Variants in DACH2 observed in about 807,000 individuals in gnomAD.
DACH2 encodes dachshund homolog 2.
In DACH2, 17 loss-of-function variants were observed where a neutral mutation model predicts 35.8. The ratio of observed to expected loss-of-function variants is 0.48; its 90% CI spans 0.33 to 0.71. The LOEUF (loss-of-function observed/expected upper bound fraction) is 0.71. Among genes scored for constraint, DACH2 ranks in the 30% least tolerant of loss-of-function variants. The pLI is 0.02. For synonymous variants in DACH2, 195 were observed against 177.3 expected (o/e 1.10, Z -0.79); for missense variants, 469 against 472.7 (o/e 0.99, Z 0.07).
chrX:86,324,571 C>CTT (rs56918891), intron 1 of DACH2, among the ~76,000 whole-genome samples: 169 of 40,626 alleles, frequency 4.2e-3, no homozygotes, highest in South Asian at 6.5e-3. Context: ...TCACTGTTGT[C>CTT]TTTTTTTTTT....
At chrX:86,700,848 G>A (rs1241798617) in intron 5 of DACH2, among the ~76,000 whole-genome samples, 2 of 111,536 alleles carry the variant, frequency 1.8e-5, no homozygotes, top group Non-Finnish European at 3.8e-5. Flanking sequence ...CAAAATTGAA[G>A]CAGTAATAAA....
intron 1 of DACH2, among the ~76,000 whole-genome samples, chrX:86,337,754 AG>A (rs1181284984): frequency 8.9e-6 from 1 of 112,142 alleles, no homozygotes; most frequent in African/African-American, 3.2e-5. Context: ...CCTAATTAAA[AG>A]TCATAGACTG....
intron 3 of DACH2, among the ~76,000 whole-genome samples, chrX:86,553,076 C>T (rs751482616): frequency 1.8e-5 from 2 of 110,811 alleles, no homozygotes; most frequent in African/African-American, 3.3e-5. Flanking sequence ...CACACAATCA[C>T]GAGGTGAAGT....
chrX:86,687,711 C>T (rs939077121), intron 4 of DACH2, among the ~76,000 whole-genome samples: 7 of 111,456 alleles, frequency 6.3e-5, no homozygotes, highest in African/African-American at 2.3e-4. Flanking sequence ...ACTATGCAGC[C>T]ATAAAAAGGG....
At chrX:86,401,452 A>G (rs1429789489) in intron 2 of DACH2, among the ~76,000 whole-genome samples, 1 of 111,434 alleles carries the variant, frequency 9.0e-6, no homozygotes, top group Admixed American at 9.5e-5. Context: ...TGCAGAAATC[A>G]CCCGTCTTCT....
intron 11 of DACH2, among the ~76,000 whole-genome samples, chrX:86,819,629 A>T (rs941462018): frequency 1.8e-5 from 2 of 111,854 alleles, no homozygotes; most frequent in Non-Finnish European, 3.8e-5. Flanking sequence ...TGGAAATCTA[A>T]TTATAATCCT....
intron 2 of DACH2, among the ~76,000 whole-genome samples, chrX:86,469,312 T>C (rs763260146): frequency 9.0e-6 from 1 of 111,109 alleles, no homozygotes; most frequent in Non-Finnish European, 1.9e-5. Context: ...ATCAACAATA[T>C]ATTGTAGATA....
intron 2 of DACH2, among the ~76,000 whole-genome samples, chrX:86,424,155 C>T (rs2036853270): frequency 9.1e-6 from 1 of 109,688 alleles, no homozygotes; most frequent in African/African-American, 3.3e-5. Flanking sequence ...CTTAGGAAAA[C>T]TTTGGCTATT....
chrX:86,313,901 A>T (rs1157223151), intron 1 of DACH2, among the ~76,000 whole-genome samples: 1 of 111,691 alleles, frequency 9.0e-6, no homozygotes, highest in Non-Finnish European at 1.9e-5. Flanking sequence ...CCTCTGTGTC[A>T]CATTTTGGTA....
chrX:86,703,307 G>T (rs991823607), intron 5 of DACH2, among the ~76,000 whole-genome samples: 1 of 111,077 alleles, frequency 9.0e-6, no homozygotes, highest in Non-Finnish European at 1.9e-5. Context: ...CCAACAGCCA[G>T]CATCATACTG....
At chrX:86,745,459 C>T (rs111668091) in intron 7 of DACH2, among the ~76,000 whole-genome samples, 1 of 110,903 alleles carries the variant, frequency 9.0e-6, no homozygotes, top group Non-Finnish European at 1.9e-5. Context: ...TGGTTCTTTT[C>T]TTTGTTTCTA....
chrX:86,349,692 AC>A (rs2035560540), intron 1 of DACH2, among the ~76,000 whole-genome samples: 1 of 111,854 alleles, frequency 8.9e-6, no homozygotes, highest in Non-Finnish European at 1.9e-5. Flanking sequence ...CTGGTTAAAT[AC>A]TCTTATACAT....
chrX:86,562,409 A>G (rs1291613830), intron 3 of DACH2, among the ~76,000 whole-genome samples: 1 of 111,281 alleles, frequency 9.0e-6, no homozygotes, highest in African/African-American at 3.3e-5. Context: ...GTGACTTATG[A>G]ATGGTATATG....
intron 7 of DACH2, among the ~76,000 whole-genome samples, chrX:86,748,601 C>A (rs773730512): frequency 8.1e-5 from 9 of 111,687 alleles, no homozygotes; most frequent in African/African-American, 2.9e-4. Flanking sequence ...ATAGATGTGC[C>A]ATTATCCAGG....
intron 7 of DACH2, among the ~76,000 whole-genome samples, chrX:86,801,684 G>A (rs932277452): frequency 2.7e-5 from 3 of 111,980 alleles, no homozygotes; most frequent in Non-Finnish European, 5.6e-5. Flanking sequence ...TGTGAATTCT[G>A]TGTTATACAG....
At chrX:86,313,488 A>C (rs2034839191) in intron 1 of DACH2, among the ~76,000 whole-genome samples, 1 of 111,893 alleles carries the variant, frequency 8.9e-6, no homozygotes, top group African/African-American at 3.2e-5. Flanking sequence ...CATAGGTAAG[A>C]GCTCTGAAGA....
At position 86,365,519 on chromosome X, in the gene DACH2, A is replaced by G. The variant is rs143364476; in HGVS notation, c.489-11305A>G. 4.1e-3 allele frequency among the ~76,000 whole-genome samples: 454 copies of G among 111,842 alleles called. 1 individual carries two copies. Among genetic ancestry groups the G allele is most frequent in the African/African-American group, 0.014 (428 of 30,934 alleles). On this transcript the variant is annotated intron_variant, in intron 1 of 11. Transcript: ENST00000373125. Reference sequence around the variant, plus strand: ...TACAATCAAAGAATATAAAAAATTCAAACTTTGTTCATGAGGATTTTAACA... The same window carrying G: ...TACAATCAAAGAATATAAAAAATTCGAACTTTGTTCATGAGGATTTTAACA...
At chrX:86,755,684 G>A (rs2041821207) in intron 7 of DACH2, among the ~76,000 whole-genome samples, 1 of 100,119 alleles carries the variant, frequency 1.0e-5, no homozygotes, top group Admixed American at 1.1e-4. Context: ...TGCAAGCTCT[G>A]CCTCCCAGGT....
Position 86,743,194 on chromosome X carries a change from C to T in DACH2, c.1240+3312C>T, listed in dbSNP as rs370416720. 1.3e-4 allele frequency among the ~76,000 whole-genome samples: 14 copies of T among 111,049 alleles called. No individual in the cohort carries two copies. The East Asian group carries it at 3.4e-3, about 27-fold the overall frequency. Reference sequence around the variant, plus strand: ...CAGATGAAAGCTTAGCAAGTTAGCCCATCAGGTATTTACCTGGAATACTGA... The same window carrying T: ...CAGATGAAAGCTTAGCAAGTTAGCCTATCAGGTATTTACCTGGAATACTGA... On this transcript the variant is annotated intron_variant, in intron 7 of 11. Transcript: ENST00000373125.
Sources: allele counts gnomAD v4.1 joint callset (sites outside exome capture counted in the v4.1 genomes callset), GRCh38; gene constraint gnomAD v4.1.1; transcripts MANE v1.5; gene names NCBI Gene and HGNC (gene_info 2026-07-23, HGNC 2026-07-21).